The following MLLT3 variants were observed in gnomAD, a reference collection of about 807,000 sequenced individuals.
The protein encoded by MLLT3 is protein AF-9.
MLLT3 carries 4 observed loss-of-function variants against 53.2 expected under a neutral mutation model. That is an observed-to-expected ratio of 0.08 (90% CI 0.04 to 0.17). The LOEUF (loss-of-function observed/expected upper bound fraction) is 0.17, where lower values mean the gene tolerates loss of function less well. MLLT3 is among the 10% of genes least tolerant of loss of function. MLLT3 has a pLI of 1.00. For missense variants in MLLT3, 569 were observed against 684.0 expected (o/e 0.83, Z 1.87); for synonymous variants, 283 against 230.6 (o/e 1.23, Z -2.06).
intron 4 of MLLT3, among the ~76,000 whole-genome samples, chr9:20,427,932 A>C (rs1306768728): frequency 6.6e-6 from 1 of 152,156 alleles, no homozygotes; most frequent in Admixed American, 6.5e-5. Context: ...TAATTAGTTT[A>C]CTACATATTA....
chr9:20,564,944 T>C (rs1244047291), intron 2 of MLLT3, among the ~76,000 whole-genome samples: 1 of 152,190 alleles, frequency 6.6e-6, no homozygotes, highest in Admixed American at 6.5e-5. Context: ...TAGCACTTAA[T>C]ATGACTGGTT....
intron 5 of MLLT3, among the ~76,000 whole-genome samples, chr9:20,401,859 A>C (rs1171532106): frequency 6.6e-6 from 1 of 152,236 alleles, no homozygotes; most frequent in Non-Finnish European, 1.5e-5. Context: ...TATTGAATAG[A>C]TAACTAGCAG....
chr9:20,423,270 G>T (rs537666597), intron 4 of MLLT3, among the ~76,000 whole-genome samples: 2 of 152,192 alleles, frequency 1.3e-5, no homozygotes, highest in East Asian at 3.9e-4. Flanking sequence ...TGTCAATCTT[G>T]CCAATATAAC....
In MLLT3 at chr9:20,520,105, G is replaced by C. The variant is rs564061255; in HGVS notation, c.194-63319C>G. 2.6e-5 allele frequency among the ~76,000 whole-genome samples: 4 copies of C among 152,168 alleles called. No homozygotes were observed. The South Asian group carries it at 8.3e-4, about 32-fold the overall frequency. On this transcript the variant is annotated intron_variant, in intron 2 of 10. Coordinates refer to ENST00000380338, the MANE Select transcript of MLLT3 (RefSeq NM_004529.4). ...AGGAAACTTAACACAGGAACAGAAA[G>C]CCAAATACCACATGTTCTCACTTAT...
intron 2 of MLLT3, among the ~76,000 whole-genome samples, chr9:20,486,744 G>A (rs1030844565): frequency 1.3e-5 from 2 of 152,198 alleles, no homozygotes; most frequent in East Asian, 3.8e-4. Context: ...TAAACTGTCA[G>A]ACAGACCTAC....
At chr9:20,565,922 TTATATATATATA>T (rs775070739) in intron 2 of MLLT3, among the ~76,000 whole-genome samples, 1 of 97,658 alleles carries the variant, frequency 1.0e-5, no homozygotes, top group Non-Finnish European at 1.9e-5. Context: ...ATATATATAT[TTATATATATATA>T]TATTTATATA....
At chr9:20,618,692 T>C (rs556031914) in intron 2 of MLLT3, among the ~76,000 whole-genome samples, 126 of 152,308 alleles carry the variant, frequency 8.3e-4, no homozygotes, top group Admixed American at 1.5e-3. Context: ...TTACCACGCC[T>C]AGCAACAACT....
intron 5 of MLLT3, among the ~76,000 whole-genome samples, chr9:20,395,488 C>G (rs564311335): frequency 3.3e-5 from 5 of 152,070 alleles, no homozygotes; most frequent in African/African-American, 1.2e-4. Context: ...TTATGTGTAG[C>G]TTTAAAAGGT....
At chr9:20,461,963 T>C (rs952638318) in intron 2 of MLLT3, among the ~76,000 whole-genome samples, 2 of 152,178 alleles carry the variant, frequency 1.3e-5, no homozygotes, top group African/African-American at 4.8e-5. Context: ...TTTAGTATTT[T>C]GGACTCCCTC....
intron 2 of MLLT3, among the ~76,000 whole-genome samples, chr9:20,563,428 G>T (rs1324626655): frequency 1.3e-5 from 2 of 151,946 alleles, no homozygotes; most frequent in African/African-American, 4.8e-5. Flanking sequence ...AATAATAATT[G>T]AAACAGCCTT....
At chr9:20,581,243 G>A (rs1402281613) in intron 2 of MLLT3, among the ~76,000 whole-genome samples, 1 of 152,154 alleles carries the variant, frequency 6.6e-6, no homozygotes, top group African/African-American at 2.4e-5. Flanking sequence ...GTAAGTTAGT[G>A]TTTATTTTAG....
chr9:20,602,761 T>TAC (rs3086486), intron 2 of MLLT3, among the ~76,000 whole-genome samples: 10,585 of 147,182 alleles, frequency 0.072, 412 homozygotes, highest in African/African-American at 0.097. Context: ...TTAAGTTTGA[T>TAC]ACACACACAC....
intron 2 of MLLT3, among the ~76,000 whole-genome samples, chr9:20,555,694 C>T (rs1819040585): frequency 6.6e-6 from 1 of 152,172 alleles, no homozygotes; most frequent in African/African-American, 2.4e-5. Context: ...TCAGCCACCA[C>T]CCTCCCCTCA....
chr9:20,612,264 G>C (rs1425377988), intron 2 of MLLT3, among the ~76,000 whole-genome samples: 1 of 152,110 alleles, frequency 6.6e-6, no homozygotes, highest in African/African-American at 2.4e-5. Flanking sequence ...AAATGAAAGG[G>C]TAATCGAAGA....
intron 2 of MLLT3, among the ~76,000 whole-genome samples, chr9:20,589,419 C>T (rs959322156): frequency 1.7e-5 from 2 of 119,302 alleles, no homozygotes; most frequent in African/African-American, 6.7e-5. Context: ...GAACATCACA[C>T]TCTGGGGACT....
rs760593350 is a variant in MLLT3 at position 20,620,897 on chromosome 9, G to A, written c.13-63C>T. 65 of 1,557,062 alleles carry A rather than the reference G, an allele frequency of 4.2e-5. No homozygotes were observed. Among genetic ancestry groups the A allele is most frequent in the African/African-American group, 8.2e-5 (6 of 73,566 alleles). On this transcript the variant is annotated intron_variant, in intron 1 of 10. Transcript: ENST00000380338. This position sits in a 1 kb window ranked among gnomAD's most constrained non-coding sequence, Gnocchi z 6.1. Reference sequence around the variant, plus strand: ...GGAAGGCGAGGTTTCGGCAGTGAACGTTGCGCCTGACATTTTTTTCCTCCT... The same window carrying A: ...GGAAGGCGAGGTTTCGGCAGTGAACATTGCGCCTGACATTTTTTTCCTCCT...
At chr9:20,554,255 A>T (rs1256980922) in intron 2 of MLLT3, among the ~76,000 whole-genome samples, 1 of 152,042 alleles carries the variant, frequency 6.6e-6, no homozygotes, top group Non-Finnish European at 1.5e-5. Context: ...CTTTCATTTC[A>T]CCTTTAAAAA....
rs373716589 is a variant in MLLT3, at chr9:20,354,762, G to A, written c.1503+46C>T. The A allele has an allele frequency of 2.4e-6, 3 of 1,252,626 alleles. No homozygotes were observed. The African/African-American group carries it at 4.5e-5, about 19-fold the overall frequency. 77.6% of individuals were successfully genotyped at this position (1,252,626 alleles called of 1,614,324 possible). A position where few individuals can be genotyped will look rare whatever the true frequency, so the allele number is the denominator to read the frequency against. On this transcript the variant is annotated intron_variant, in intron 9 of 10. Transcript: ENST00000380338. ...TCAAGGGCAACACAAAGAAACGGAAGGCTTGTCAGTGTTGGAGCCCTCCTA... is the reference window on the plus strand; with the variant it reads ...TCAAGGGCAACACAAAGAAACGGAAAGCTTGTCAGTGTTGGAGCCCTCCTA...
At chr9:20,604,926 T>G (rs535312640) in intron 2 of MLLT3, among the ~76,000 whole-genome samples, 43 of 149,046 alleles carry the variant, frequency 2.9e-4, no homozygotes, top group Middle Eastern at 3.4e-3. Context: ...GTAGATAATC[T>G]TAATAACTTT....
Sources: gnomAD v4.1 joint callset for allele counts (sites outside exome capture counted in the v4.1 genomes callset) on GRCh38, gnomAD v4.1.1 for gene constraint, Gnocchi (gnomAD v3.1) non-coding constraint, MANE v1.5 for transcripts, NCBI Gene and HGNC (gene_info 2026-07-23, HGNC 2026-07-21) for gene names.